Variants in TTLL11 observed in about 807,000 individuals in gnomAD.
TTLL11 encodes tubulin polyglutamylase TTLL11.
Under a neutral mutation model 51.7 loss-of-function variants are expected in TTLL11, and 42 were observed. The ratio of observed to expected loss-of-function variants is 0.81; its 90% confidence interval spans 0.64 to 1.05. TTLL11 has a LOEUF of 1.05. Ranked by LOEUF, TTLL11 falls within the 50% of genes least tolerant of loss-of-function variation. The pLI is 0.00. For synonymous variants in TTLL11, 381 were observed against 383.5 expected, an observed-to-expected ratio of 0.99 and a Z score of 0.08; for missense variants, 799 against 940.4, an observed-to-expected ratio of 0.85 and a Z score of 1.97.
chr9:122,025,403 C>A (rs1464584461), intron 3 of TTLL11, among the ~76,000 whole-genome samples: 1 of 152,192 alleles, frequency 6.6e-6, no homozygotes, highest in Admixed American at 6.5e-5. Context: ...GAGGCCGAGG[C>A]AGGTGGATCG....
chr9:121,897,640 A>ACACACACACACACACACTCACACACGCG (rs111331446), intron 6 of TTLL11, among the ~76,000 whole-genome samples: 1 of 139,292 alleles, frequency 7.2e-6, no homozygotes, highest in Non-Finnish European at 1.6e-5. Context: ...ACACACACAC[A>ACACACACACACACACACTCACACACGCG]CGCGCGCGCG....
At chr9:122,017,224 T>C (rs1844014384) in intron 3 of TTLL11, among the ~76,000 whole-genome samples, 1 of 152,128 alleles carries the variant, frequency 6.6e-6, no homozygotes. Context: ...TGAGGCACTG[T>C]CAGGACATTG....
At chr9:122,010,963 ATGGTTTTGCTG>A (rs1843775945) in intron 3 of TTLL11, among the ~76,000 whole-genome samples, 1 of 152,156 alleles carries the variant, frequency 6.6e-6, no homozygotes, top group Non-Finnish European at 1.5e-5. Flanking sequence ...AGCCTTTGAT[ATGGTTTTGCTG>A]TGTCCCTACC....
intron 6 of TTLL11, among the ~76,000 whole-genome samples, chr9:121,902,012 C>T (rs1415059207): frequency 6.6e-6 from 1 of 151,998 alleles, no homozygotes; most frequent in Non-Finnish European, 1.5e-5. Context: ...GATATCTAAT[C>T]TGTAATATTG....
At chr9:121,851,103 A>G (rs1837653729) in intron 8 of TTLL11, among the ~76,000 whole-genome samples, 1 of 152,242 alleles carries the variant, frequency 6.6e-6, no homozygotes, top group African/African-American at 2.4e-5. Flanking sequence ...AAGGCTAGAT[A>G]CGATATGATT....
intron 8 of TTLL11, among the ~76,000 whole-genome samples, chr9:121,852,713 G>C (rs2131370545): frequency 6.6e-6 from 1 of 152,300 alleles, no homozygotes; most frequent in Middle Eastern, 3.4e-3. Flanking sequence ...TAGCAGGCCT[G>C]GGAGATCAGG....
intron 8 of TTLL11, among the ~76,000 whole-genome samples, chr9:121,848,925 C>T (rs1837590951): frequency 6.6e-6 from 1 of 152,102 alleles, no homozygotes; most frequent in African/African-American, 2.4e-5. Context: ...GGACAAAAGA[C>T]CAGAATAGCA....
chr9:121,932,275 A>G (rs749545259), intron 6 of TTLL11, among the ~76,000 whole-genome samples: 2 of 152,220 alleles, frequency 1.3e-5, no homozygotes, highest in Non-Finnish European at 2.9e-5. Flanking sequence ...AAAAATGAAT[A>G]TTCTGTATTG....
intron 8 of TTLL11, among the ~76,000 whole-genome samples, chr9:121,829,491 A>C (rs1836929321): frequency 6.6e-6 from 1 of 152,134 alleles, no homozygotes; most frequent in Non-Finnish European, 1.5e-5. Flanking sequence ...CGAAAGTTTT[A>C]AGAGCCATTC....
intron 6 of TTLL11, among the ~76,000 whole-genome samples, chr9:121,939,074 G>A (rs1411076849): frequency 6.6e-6 from 1 of 152,184 alleles, no homozygotes; most frequent in Admixed American, 6.5e-5. Context: ...TGAGAGACAC[G>A]TATAAGGACA....
chr9:122,093,011 G>A lies in TTLL11; in HGVS notation c.138C>T (p.Gly46=), dbSNP rs1322783045. 2 of 1,536,830 alleles carry A rather than the reference G, an allele frequency of 1.3e-6. No homozygotes were observed. The highest frequency in any genetic ancestry group is 1.7e-6 in the Non-Finnish European group (2 of 1,150,272). Residue 46 remains glycine, a synonymous_variant, in exon 1 of 9, where the codon GGC becomes GGT. Transcript: ENST00000321582. ...CCTTGCACTCCGGTTCCCCGGCCGC[G>A]CCCGCGTCCACGCGGACCTGTTCCG... ...TVAEQVRVDA[G]AAGEPECKAG... is the part of the protein sequence containing the mutation.
chr9:121,852,907 G>A (rs1377297755), intron 8 of TTLL11, among the ~76,000 whole-genome samples: 2 of 152,254 alleles, frequency 1.3e-5, no homozygotes, highest in East Asian at 1.9e-4. Context: ...CGCACGAGGC[G>A]CTGCGTGAAA....
chr9:121,996,442 A>C (rs1843267756), intron 3 of TTLL11, among the ~76,000 whole-genome samples: 1 of 152,074 alleles, frequency 6.6e-6, no homozygotes, highest in African/African-American at 2.4e-5. Flanking sequence ...CCAGGAAGGA[A>C]TCATCACTAC....
chr9:122,039,470 TG>T, intron 1 of TTLL11, 102 bp from the exon 2 acceptor site: 1 of 843,682 alleles, frequency 1.2e-6, no homozygotes, highest in Non-Finnish European at 1.9e-6. Flanking sequence ...GTACTTACCA[TG>T]GTTTAATCCT....
rs547329801 is a variant in TTLL11, at chr9:121,891,208, C to T, written c.1482-20460G>A. On this transcript the variant is annotated intron_variant, in intron 6 of 8. Transcript: ENST00000321582. ...ACCTTGCTCACACTGGGATTCTAAG[C>T]GCTGTTCACTGAGCACATCATAGCT... Among the ~76,000 whole-genome samples, 496 of 152,326 alleles carry T rather than the reference C, an allele frequency of 3.3e-3. 1 individual carries two copies. The highest frequency in any genetic ancestry group is 0.011 in the African/African-American group (464 of 41,576).
intron 3 of TTLL11, among the ~76,000 whole-genome samples, chr9:121,999,115 T>C (rs997780918): frequency 1.3e-5 from 2 of 152,208 alleles, no homozygotes; most frequent in Non-Finnish European, 2.9e-5. Context: ...AGAGCCTTAA[T>C]GGAGGCGGAC....
chr9:122,044,808 G>C (rs1844955464), intron 1 of TTLL11, among the ~76,000 whole-genome samples: 1 of 152,062 alleles, frequency 6.6e-6, no homozygotes, highest in Non-Finnish European at 1.5e-5. Flanking sequence ...TACCCATTAG[G>C]ATAACTATTA....
chr9:121,919,642 G>A (rs1156682427), intron 6 of TTLL11, among the ~76,000 whole-genome samples: 1 of 152,170 alleles, frequency 6.6e-6, no homozygotes, highest in Non-Finnish European at 1.5e-5. Flanking sequence ...CAGAAGTCCA[G>A]CTTGTCCTGC....
rs548228632 is a variant in TTLL11 at position 122,063,805 on chromosome 9, C to T, written c.463-24437G>A. 2.0e-5 allele frequency among the ~76,000 whole-genome samples: 3 copies of T among 152,314 alleles called. No homozygotes were observed. The East Asian group carries it at 5.8e-4, about 29-fold the overall frequency. On this transcript the variant is annotated intron_variant, in intron 1 of 8. Coordinates refer to ENST00000321582, the MANE Select transcript of TTLL11 (RefSeq NM_001139442.2). ...CTGAAGTCCAGTGTCTTAGGAACCCCCTCAGTCCTGGGCAAACCAGGACAG... is the reference window on the plus strand; with the variant it reads ...CTGAAGTCCAGTGTCTTAGGAACCCTCTCAGTCCTGGGCAAACCAGGACAG...
Sources: allele counts gnomAD v4.1 joint callset (sites outside exome capture counted in the v4.1 genomes callset), GRCh38; gene constraint gnomAD v4.1.1; transcripts MANE v1.5; gene names NCBI Gene and HGNC (gene_info 2026-07-23, HGNC 2026-07-21).